The following PDE4D variants were observed in gnomAD, a reference collection of about 807,000 sequenced individuals.
The protein encoded by PDE4D is phosphodiesterase 4D.
A neutral mutation model predicts 87.4 loss-of-function variants in PDE4D; 24 were observed. The observed-to-expected ratio is 0.27, with a 90% confidence interval of 0.20 to 0.39. The LOEUF (loss-of-function observed/expected upper bound fraction) is 0.39. Ranked by LOEUF, PDE4D falls within the 10% of genes least tolerant of loss-of-function variation. PDE4D has a pLI of 1.00. For missense variants in PDE4D, 714 were observed against 1,041.0 expected (o/e 0.69, Z 4.32); for synonymous variants, 384 against 383.2 (o/e 1.00, Z -0.02).
In PDE4D at chr5:58,972,438, G is replaced by C. The variant is rs1381172029; in HGVS notation, c.*2226C>G. The C allele has an allele frequency of 6.6e-6, 1 of 152,418 alleles. No individual in the cohort carries two copies. Among genetic ancestry groups the C allele is most frequent in the Non-Finnish European group, 1.5e-5 (1 of 68,022 alleles). The allele number at this position is 152,418 out of a possible 1,614,324, so 9.4% of individuals were successfully genotyped here. A position where few individuals can be genotyped will look rare whatever the true frequency, so the allele number is the denominator to read the frequency against. ...ATAAAGACATAATTTTTATTTCAAA[G>C]GATCTAAGCATCAGCTAGATCTCAG... On this transcript the variant is annotated 3_prime_UTR_variant, in exon 15 of 15. Coordinates refer to ENST00000340635, the MANE Select transcript of PDE4D (RefSeq NM_001104631.2).
chr5:60,156,275 C>T (rs954976801), intron 2 of PDE4D, among the ~76,000 whole-genome samples: 9 of 152,204 alleles, frequency 5.9e-5, no homozygotes, highest in Non-Finnish European at 1.0e-4. Context: ...CCCAAGCTCA[C>T]TCAGTGCCCA....
intron 1 of PDE4D, among the ~76,000 whole-genome samples, chr5:59,584,435 G>T (rs535539373): frequency 6.6e-6 from 1 of 152,258 alleles, no homozygotes; most frequent in South Asian, 2.1e-4. Flanking sequence ...ACAACAGATT[G>T]GTACGACATG....
chr5:59,605,545 C>T (rs533396968), intron 1 of PDE4D, among the ~76,000 whole-genome samples: 9 of 152,004 alleles, frequency 5.9e-5, no homozygotes, highest in South Asian at 4.2e-4. Flanking sequence ...TAGAAAGCAC[C>T]GTTATTATAG....
intron 2 of PDE4D, among the ~76,000 whole-genome samples, chr5:60,124,240 T>C (rs1042000682): frequency 6.6e-6 from 1 of 152,198 alleles, no homozygotes; most frequent in African/African-American, 2.4e-5. Context: ...TCTTTGTGAT[T>C]GTTTTAATAA....
chr5:60,252,558 A>T (rs1362450841), intron 1 of PDE4D, among the ~76,000 whole-genome samples: 1 of 151,822 alleles, frequency 6.6e-6, no homozygotes, highest in Non-Finnish European at 1.5e-5. Context: ...GAGTTGAAAG[A>T]CATTTGAAAA....
chr5:59,337,888 C>A (rs948598439), intron 1 of PDE4D, among the ~76,000 whole-genome samples: 1 of 152,154 alleles, frequency 6.6e-6, no homozygotes, highest in Non-Finnish European at 1.5e-5. Context: ...GTCATGGGAG[C>A]CTCTCCATCT....
chr5:60,065,902 C>T (rs144301083), intron 2 of PDE4D, among the ~76,000 whole-genome samples: 3,065 of 152,166 alleles, frequency 0.02, 58 homozygotes, highest in Non-Finnish European at 0.031. Flanking sequence ...CATACGTGTG[C>T]GTGTGTCTTT....
chr5:59,999,526 TAA>T (rs1325345412), intron 2 of PDE4D, among the ~76,000 whole-genome samples: 1 of 57,186 alleles, frequency 1.7e-5, no homozygotes. Flanking sequence ...TATCCCGTGG[TAA>T]AAAAAAAAAA....
Position 59,517,548 on chromosome 5 carries a change from T to A in PDE4D, c.456-301580A>T, listed in dbSNP as rs78714715. Among the ~76,000 whole-genome samples the A allele has an allele frequency of 4.4e-3, 666 of 152,294 alleles. 3 individuals are homozygous for A. The highest frequency in any genetic ancestry group is 0.015 in the African/African-American group (615 of 41,558). ...AAGGTAGTGTTTAAGTATATGGACT[T>A]GGGTGCTAGATCACTGTGCACTAAC... On this transcript the variant is annotated intron_variant, in intron 1 of 14. Transcript: ENST00000340635.
chr5:59,339,816 A>G (rs899534421), intron 1 of PDE4D, among the ~76,000 whole-genome samples: 1 of 152,182 alleles, frequency 6.6e-6, no homozygotes. Flanking sequence ...CAAAAATACT[A>G]AGAAAACTAC....
intron 1 of PDE4D, among the ~76,000 whole-genome samples, chr5:60,234,652 C>G (rs558022255): frequency 6.6e-6 from 1 of 151,724 alleles, no homozygotes; most frequent in African/African-American, 2.4e-5. Flanking sequence ...TTAGAATGCA[C>G]GAGTAAAGCC....
chr5:58,991,816 T>C lies in PDE4D; in HGVS notation c.1188+16A>G. ...TCATTTAATATTTATGATCCTGATC[T>C]TTGAAATCATCATACCTTGGCAAGG... On this transcript the variant is annotated intron_variant, in intron 8 of 14. Coordinates refer to ENST00000340635, the MANE Select transcript of PDE4D (RefSeq NM_001104631.2). 5 of 1,424,968 alleles carry C rather than the reference T, an allele frequency of 3.5e-6. No individual in the cohort carries two copies. The highest frequency in any genetic ancestry group is 1.7e-5 in the South Asian group (1 of 57,658). 88.3% of individuals were successfully genotyped at this position (1,424,968 alleles called of 1,614,324 possible).
intron 1 of PDE4D, among the ~76,000 whole-genome samples, chr5:59,331,204 G>T (rs1456391826): frequency 1.3e-5 from 2 of 151,876 alleles, no homozygotes; most frequent in South Asian, 2.1e-4. Context: ...TTTCCCTAGG[G>T]CTGCCATTAC....
At chr5:59,909,819 C>T (rs909243085) in intron 3 of PDE4D, among the ~76,000 whole-genome samples, 3 of 152,248 alleles carry the variant, frequency 2.0e-5, no homozygotes, top group Admixed American at 6.5e-5. Flanking sequence ...TGTAGAAAAC[C>T]TTCAATGGTT....
At chr5:60,371,675 G>C (rs909649828) in intron 1 of PDE4D, among the ~76,000 whole-genome samples, 1 of 152,072 alleles carries the variant, frequency 6.6e-6, no homozygotes, top group Non-Finnish European at 1.5e-5. Flanking sequence ...TTCTATCTCA[G>C]GCACCTTCTC....
intron 1 of PDE4D, among the ~76,000 whole-genome samples, chr5:59,869,408 T>G (rs1214934288): frequency 2.6e-5 from 4 of 152,240 alleles, no homozygotes; most frequent in Middle Eastern, 6.8e-3. Flanking sequence ...CTGAATTAGG[T>G]CAAAATCAGC....
intron 1 of PDE4D, among the ~76,000 whole-genome samples, chr5:60,441,317 G>A (rs1234165806): frequency 6.6e-6 from 1 of 152,060 alleles, no homozygotes; most frequent in Non-Finnish European, 1.5e-5. Flanking sequence ...TGACAAACCT[G>A]ACAAAAACAA....
intron 2 of PDE4D, 48 bp downstream of exon 2, chr5:59,215,729 A>G (rs758395773): frequency 3.4e-6 from 5 of 1,486,438 alleles, no homozygotes; most frequent in East Asian, 2.3e-5. Flanking sequence ...TCAGCTCTAG[A>G]TATAAATTTA....
Position 59,504,075 on chromosome 5 carries a change from A to AAGAATCTTTGGTTTTATC in PDE4D, c.456-288108_456-288107insGATAAAACCAAAGATTCT, listed in dbSNP as rs549187278. Among the ~76,000 whole-genome samples, 583 of 152,310 alleles carry AAGAATCTTTGGTTTTATC rather than the reference A, an allele frequency of 3.8e-3. 3 individuals are homozygous for AAGAATCTTTGGTTTTATC. The highest frequency in any genetic ancestry group is 5.8e-3 in the Non-Finnish European group (397 of 68,018). On this transcript the variant is annotated intron_variant, in intron 1 of 14. Coordinates refer to ENST00000340635, the MANE Select transcript of PDE4D (RefSeq NM_001104631.2). ...ATTTCTTTTGAAGAATCCTTGTAGA[A>AAGAATCTTTGGTTTTATC]TGAACCAAAAGATAACAGATAAAAA...
Sources: allele counts gnomAD v4.1 joint callset (sites outside exome capture counted in the v4.1 genomes callset), GRCh38; gene constraint gnomAD v4.1.1; transcripts MANE v1.5; gene names NCBI Gene and HGNC (gene_info 2026-07-23, HGNC 2026-07-21).